The following PODXL2 variants were observed in gnomAD, a reference collection of about 807,000 sequenced individuals.
PODXL2 encodes the protein podocalyxin like 2.
PODXL2 carries 17 observed loss-of-function variants against 53.4 expected under a neutral mutation model. That is an observed-to-expected ratio of 0.32 (90% CI 0.22 to 0.48). The LOEUF is 0.48. Ranked by LOEUF, PODXL2 falls within the 20% of genes least tolerant of loss-of-function variation. The pLI, the probability that PODXL2 is intolerant of heterozygous loss-of-function variation, is 0.99. For synonymous variants in PODXL2, 311 were observed against 306.7 expected (o/e 1.01, Z -0.15); for missense variants, 673 against 760.0 (o/e 0.89, Z 1.35).
At chr3:127,635,618 C>G (rs2074573010) in intron 1 of PODXL2, among the ~76,000 whole-genome samples, 1 of 152,154 alleles carries the variant, frequency 6.6e-6, no homozygotes, top group African/African-American at 2.4e-5. Context: ...GATCTGATCC[C>G]TGGACAGAAG....
rs561580944 is a variant in PODXL2, at chr3:127,659,804, T to A, written c.350-574T>A. ...AAAACTCTGGGCTCAGCCCCTGGCC[T>A]CTCTCTGGCTCTCCCTACATCTTTT... On this transcript the variant is annotated intron_variant, in intron 2 of 7. Coordinates refer to ENST00000342480, the MANE Select transcript of PODXL2 (RefSeq NM_015720.4). Among the ~76,000 whole-genome samples the A allele has an allele frequency of 3.2e-4, 48 of 152,370 alleles. 1 individual carries two copies. The South Asian group carries it at 9.3e-3, about 30-fold the overall frequency.
chr3:127,638,142 C>T (rs1488414407), intron 1 of PODXL2, among the ~76,000 whole-genome samples: 1 of 152,198 alleles, frequency 6.6e-6, no homozygotes, highest in Non-Finnish European at 1.5e-5. Flanking sequence ...AGGTCTTGAG[C>T]AGCTTTCCAG....
rs747169758 is a variant in PODXL2, at chr3:127,669,143, G to C, written c.1366G>C (p.Val456Leu). Residue 456 changes from valine (V) to leucine (L), a missense_variant and splice_region_variant, in exon 6 of 8, where the codon GTG (valine) becomes CTG (leucine). By Grantham distance (32) the Val-to-Leu change is conservative. Coordinates refer to ENST00000342480, the MANE Select transcript of PODXL2 (RefSeq NM_015720.4). Reference sequence around the variant, plus strand: ...TAGTGGTGTTTCTTACCCCCCAGGGGTGGTGCCCACTCAAGATGTCCTTTC... The same window carrying C: ...TAGTGGTGTTTCTTACCCCCCAGGGCTGGTGCCCACTCAAGATGTCCTTTC... Reference protein sequence around the residue: ...LLMTLVGEQGVVPTQDVLSML... With the variant: ...LLMTLVGEQGLVPTQDVLSML... 4 of 1,604,224 alleles carry C rather than the reference G, an allele frequency of 2.5e-6. No individual in the cohort carries two copies. In the South Asian group the frequency reaches 3.3e-5, roughly 13 times the overall value.
At chr3:127,668,216 A>C (rs1264390662) in intron 4 of PODXL2, among the ~76,000 whole-genome samples, 1 of 152,126 alleles carries the variant, frequency 6.6e-6, no homozygotes, top group Non-Finnish European at 1.5e-5. Flanking sequence ...GCTAGAGGCC[A>C]GGGCAGGAAG....
intron 4 of PODXL2, among the ~76,000 whole-genome samples, chr3:127,667,256 A>G (rs1470312985): frequency 6.6e-6 from 1 of 152,270 alleles, no homozygotes; most frequent in Non-Finnish European, 1.5e-5. Context: ...TGGCATGACA[A>G]CTACGGAACA....
At chr3:127,638,073 A>G (rs2074589432) in intron 1 of PODXL2, among the ~76,000 whole-genome samples, 1 of 152,170 alleles carries the variant, frequency 6.6e-6, no homozygotes, top group South Asian at 2.1e-4. Flanking sequence ...CTTGGAAAAG[A>G]ATTCAGAGGT....
chr3:127,636,904 A>G (rs2074581284), intron 1 of PODXL2, among the ~76,000 whole-genome samples: 1 of 151,982 alleles, frequency 6.6e-6, no homozygotes, highest in Non-Finnish European at 1.5e-5. Flanking sequence ...GTTCACTGCA[A>G]TCTCTGCCTC....
chr3:127,659,500 A>G (rs2074748813), intron 2 of PODXL2, among the ~76,000 whole-genome samples: 1 of 152,196 alleles, frequency 6.6e-6, no homozygotes. Context: ...TTAAAACTAC[A>G]ATATTTATTA....
Position 127,662,242 on chromosome 3 carries a change from C to T in PODXL2, c.1137C>T (p.Ile379=), listed in dbSNP as rs1469221532. The T allele has an allele frequency of 1.2e-6, 2 of 1,613,340 alleles. No homozygotes were observed. Among genetic ancestry groups the T allele is most frequent in the South Asian group, 1.1e-5 (1 of 91,070 alleles). ...SRIPWDSTQV[I]CKDWSNLAGK... ...CTTTCTGTCTCCTCGCACAGGTGAT[C>T]TGCAAGGACTGGAGCAATCTGGCTG... The change falls in exon 4 of 8, where the codon ATC becomes ATT. Residue 379 remains isoleucine, a synonymous_variant. Coordinates refer to ENST00000342480, the MANE Select transcript of PODXL2 (RefSeq NM_015720.4).
At chr3:127,637,376 T>C (rs1015632445) in intron 1 of PODXL2, among the ~76,000 whole-genome samples, 2 of 152,170 alleles carry the variant, frequency 1.3e-5, no homozygotes, top group African/African-American at 4.8e-5. Flanking sequence ...TTTTAAATAT[T>C]TTTTTCCCCG....
At chr3:127,658,406 CTTTTTTT>C (rs60979669) in intron 2 of PODXL2, among the ~76,000 whole-genome samples, 5 of 87,396 alleles carry the variant, frequency 5.7e-5, no homozygotes, top group Non-Finnish European at 1.2e-4. Flanking sequence ...TTTCCCATGT[CTTTTTTT>C]TTTTTTTTTT....
At chr3:127,652,324 C>G (rs2074694716) in intron 2 of PODXL2, among the ~76,000 whole-genome samples, 1 of 152,114 alleles carries the variant, frequency 6.6e-6, no homozygotes, top group Non-Finnish European at 1.5e-5. Flanking sequence ...CTCTGGGGAA[C>G]ATGTGGTTTC....
chr3:127,646,700 G>C (rs2074659378), intron 2 of PODXL2, among the ~76,000 whole-genome samples: 1 of 152,168 alleles, frequency 6.6e-6, no homozygotes, highest in African/African-American at 2.4e-5. Context: ...AGAATTTTGA[G>C]TTAGCTCATT....
At chr3:127,662,878 C>T (rs961878748) in intron 4 of PODXL2, among the ~76,000 whole-genome samples, 1 of 152,218 alleles carries the variant, frequency 6.6e-6, no homozygotes, top group South Asian at 2.1e-4. Flanking sequence ...AAGGGAACTT[C>T]TGTTCTGTTC....
intron 2 of PODXL2, among the ~76,000 whole-genome samples, chr3:127,641,896 G>C (rs1269601909): frequency 6.6e-6 from 1 of 152,164 alleles, no homozygotes; most frequent in Non-Finnish European, 1.5e-5. Flanking sequence ...TGAATACTTA[G>C]GTTGTCTTCA....
intron 1 of PODXL2, among the ~76,000 whole-genome samples, chr3:127,630,095 C>G (rs2074533882): frequency 6.6e-6 from 1 of 152,008 alleles, no homozygotes; most frequent in Admixed American, 6.6e-5. Flanking sequence ...TGGCTTCCAG[C>G]GCAGACGGGG....
chr3:127,649,068 A>G (rs2074673435), intron 2 of PODXL2, among the ~76,000 whole-genome samples: 1 of 151,578 alleles, frequency 6.6e-6, no homozygotes. Context: ...CTGGGATTAC[A>G]GGCATGAGCC....
intron 4 of PODXL2, among the ~76,000 whole-genome samples, chr3:127,665,164 G>C (rs1343395094): frequency 6.6e-6 from 1 of 152,164 alleles, no homozygotes; most frequent in East Asian, 1.9e-4. Flanking sequence ...CCCATGCCGG[G>C]ATATAATCCA....
In PODXL2 at chr3:127,629,198, T is replaced by A; in HGVS notation, c.-22T>A. The A allele has an allele frequency of 3.1e-6, 3 of 982,600 alleles. No individual in the cohort carries two copies. The highest frequency in any genetic ancestry group is 3.6e-6 in the Non-Finnish European group (3 of 829,522). The allele number at this position is 982,600 out of a possible 1,614,324, so 60.9% of individuals were successfully genotyped here. ...GGCCCGGGCGCCGCGCCGCTGCGGC[T>A]GCAGGCGGCGACGGCTACACCATGG... is the stretch of plus-strand genomic sequence containing the variant. On this transcript the variant is annotated 5_prime_UTR_variant, in exon 1 of 8. Coordinates refer to ENST00000342480, the MANE Select transcript of PODXL2 (RefSeq NM_015720.4). This position sits in a 1 kb window ranked among gnomAD's most constrained non-coding sequence, Gnocchi z 6.4.
Sources: gnomAD v4.1 joint callset for allele counts (sites outside exome capture counted in the v4.1 genomes callset) on GRCh38, gnomAD v4.1.1 for gene constraint, Gnocchi (gnomAD v3.1) non-coding constraint, MANE v1.5 for transcripts, NCBI Gene and HGNC (gene_info 2026-07-23, HGNC 2026-07-21) for gene names.